MTARC2: variants seen among roughly 807,000 people sequenced by gnomAD.
MTARC2 encodes MOCO sulphurase C-terminal domain containing 2.
Under a neutral mutation model 35.6 loss-of-function variants are expected in MTARC2, and 27 were observed. The ratio of observed to expected loss-of-function variants is 0.76; its 90% CI spans 0.56 to 1.04. The LOEUF is 1.04. Among genes scored for constraint, MTARC2 ranks in the 50% least tolerant of loss-of-function variants. MTARC2 has a pLI of 0.00. For synonymous variants in MTARC2, 158 were observed against 167.1 expected (o/e 0.95, Z 0.42); for missense variants, 412 against 432.5 (o/e 0.95, Z 0.42).
chr1:220,764,793 G>C (rs80155286), intron 4 of MTARC2, among the ~76,000 whole-genome samples: 7,154 of 151,700 alleles, frequency 0.047, 269 homozygotes, highest in East Asian at 0.2. Context: ...AAAAGGAAAA[G>C]AAAAGAGCAA....
chr1:220,767,944 G>A (rs1223554541), intron 4 of MTARC2, among the ~76,000 whole-genome samples: 1 of 152,184 alleles, frequency 6.6e-6, no homozygotes, highest in Non-Finnish European at 1.5e-5. Context: ...CAGAAACTGA[G>A]TTTGGGTGGG....
At chr1:220,768,477 A>G (rs1274361593) in intron 4 of MTARC2, among the ~76,000 whole-genome samples, 1 of 152,220 alleles carries the variant, frequency 6.6e-6, no homozygotes, top group East Asian at 1.9e-4. Flanking sequence ...CTTGCTCTCG[A>G]GGTCGCATAG....
At chr1:220,749,859 G>A (rs919620197) in intron 1 of MTARC2, among the ~76,000 whole-genome samples, 1 of 152,142 alleles carries the variant, frequency 6.6e-6, no homozygotes, top group Non-Finnish European at 1.5e-5. Context: ...TTCACTCCAG[G>A]ACACGCGGAT....
chr1:220,754,910 G>A (rs767597818), intron 1 of MTARC2, 37 bp from the exon 2 acceptor site: 55 of 1,532,130 alleles, frequency 3.6e-5, no homozygotes, highest in Non-Finnish European at 4.7e-5. Flanking sequence ...AGGTGGAAGA[G>A]GATTTTCTGA....
At chr1:220,756,864 C>T (rs2102546401) in intron 2 of MTARC2, among the ~76,000 whole-genome samples, 1 of 152,238 alleles carries the variant, frequency 6.6e-6, no homozygotes, top group Non-Finnish European at 1.5e-5. Context: ...GGTGAGTTGC[C>T]TGGGTCTGAA....
At position 220,761,797 on chromosome 1, in the gene MTARC2, C is replaced by A. The variant is rs1197094774; in HGVS notation, c.586C>A (p.Pro196Thr). 1.9e-6 allele frequency: 3 copies of A among 1,611,616 alleles called. No homozygotes were observed. The highest frequency in any genetic ancestry group is 2.5e-6 in the Non-Finnish European group (3 of 1,179,180). Residue 196 changes from proline to threonine, a missense_variant, in exon 3 of 8, where the codon CCC (proline) becomes ACC (threonine). By Grantham distance (38) the Pro-to-Thr change is conservative. Transcript: ENST00000366913. ...MKGRTSRKLL[P>T]TLDQNFQVAY... ...GGGAAGAACATCAAGAAAACTTCTC[C>A]CCACTCTTGATCAGAATTTCCAGGT...
intron 6 of MTARC2, 75 bp from the exon 7 acceptor site, chr1:220,781,703 A>G: frequency 1.3e-6 from 2 of 1,521,066 alleles, no homozygotes; most frequent in Non-Finnish European, 1.8e-6. Context: ...TGGAAGGCAA[A>G]CTTGAGTTCT....
chr1:220,776,039 A>G (rs530674720), intron 4 of MTARC2, among the ~76,000 whole-genome samples: 1 of 152,358 alleles, frequency 6.6e-6, no homozygotes, highest in African/African-American at 2.4e-5. Flanking sequence ...TTGGGTATAT[A>G]CCCAGTAATG....
intron 4 of MTARC2, among the ~76,000 whole-genome samples, chr1:220,777,992 C>A (rs1671962520): frequency 6.6e-6 from 1 of 152,010 alleles, no homozygotes. Context: ...CCTGAAATCC[C>A]AGCAGTTTGG....
At chr1:220,770,672 C>T (rs1258886131) in intron 4 of MTARC2, 2 of 601,888 alleles carry the variant, frequency 3.3e-6, no homozygotes, top group Admixed American at 6.3e-5. Context: ...CCAGCACAGC[C>T]CAGGCTACTG....
chr1:220,759,456 G>A (rs888892146), intron 2 of MTARC2, among the ~76,000 whole-genome samples: 38 of 151,824 alleles, frequency 2.5e-4, no homozygotes, highest in Admixed American at 2.2e-3. Context: ...CCAGTGCAGG[G>A]ATGGGAGACA....
Position 220,761,665 on chromosome 1 carries a change from G to A in MTARC2, c.454G>A (p.Gly152Ser), listed in dbSNP as rs369039131. Residue 152 changes from glycine (G) to serine (S), a missense_variant, in exon 3 of 8, where the codon GGC (glycine) becomes AGC (serine). Gly to Ser is a moderately conservative substitution (Grantham distance 56, BLOSUM62 0). Coordinates refer to ENST00000366913, the MANE Select transcript of MTARC2 (RefSeq NM_017898.5). Reference protein sequence around the residue: ...SNKLHNCRIFGLDIKGRDCGN... With the variant: ...SNKLHNCRIFSLDIKGRDCGN... ...CTTTTGTGACCTTTCCAGGATATTT[G>A]GCCTTGACATTAAAGGCAGAGACTG... is the stretch of plus-strand genomic sequence containing the variant. 1.6e-5 allele frequency: 25 copies of A among 1,609,752 alleles called. No individual in the cohort carries two copies. Among genetic ancestry groups the A allele is most frequent in the Non-Finnish European group, 2.1e-5 (25 of 1,178,980 alleles).
At chr1:220,772,582 C>T (rs1044112537) in intron 4 of MTARC2, among the ~76,000 whole-genome samples, 6 of 152,108 alleles carry the variant, frequency 3.9e-5, no homozygotes, top group Non-Finnish European at 7.4e-5. Flanking sequence ...GCAAGGGTCT[C>T]AGGGCCAAGT....
intron 2 of MTARC2, among the ~76,000 whole-genome samples, chr1:220,757,443 G>T (rs1558065101): frequency 6.6e-6 from 1 of 152,170 alleles, no homozygotes; most frequent in Non-Finnish European, 1.5e-5. Flanking sequence ...GCTAAAAACT[G>T]AAGAAATAAC....
intron 4 of MTARC2, among the ~76,000 whole-genome samples, chr1:220,767,519 G>A (rs944578312): frequency 7.2e-5 from 11 of 152,210 alleles, no homozygotes. Context: ...TCAGTGTGGT[G>A]TGCTTGAGTT....
At chr1:220,777,765 C>T (rs1395368322) in intron 4 of MTARC2, among the ~76,000 whole-genome samples, 3 of 152,140 alleles carry the variant, frequency 2.0e-5, no homozygotes, top group South Asian at 2.1e-4. Flanking sequence ...ACGGAGGGGC[C>T]TGCAACCTTT....
chr1:220,774,331 A>G (rs1671832301), intron 4 of MTARC2, among the ~76,000 whole-genome samples: 1 of 152,122 alleles, frequency 6.6e-6, no homozygotes, highest in Non-Finnish European at 1.5e-5. Flanking sequence ...CATATGTCCC[A>G]TGTATATTTA....
intron 4 of MTARC2, among the ~76,000 whole-genome samples, chr1:220,774,068 C>T (rs1428442619): frequency 6.8e-6 from 1 of 146,956 alleles, no homozygotes; most frequent in Non-Finnish European, 1.5e-5. Context: ...GACTCACATC[C>T]TCGTTTTTTT....
Position 220,784,128 on chromosome 1 carries a change from G to T in MTARC2, c.*241G>T. ...ATATATATAAATTTTAGGTACTGAAGGCTTTAAAAATAATTAAGATCATCA... is the reference window on the plus strand; with the variant it reads ...ATATATATAAATTTTAGGTACTGAATGCTTTAAAAATAATTAAGATCATCA... On this transcript the variant is annotated 3_prime_UTR_variant, in exon 8 of 8. Transcript: ENST00000366913. The T allele has an allele frequency of 2.0e-6, 1 of 497,692 alleles. No homozygotes were observed. 30.8% of individuals were successfully genotyped at this position (497,692 alleles called of 1,614,324 possible).
Sources: gnomAD v4.1 joint callset for allele counts (sites outside exome capture counted in the v4.1 genomes callset) on GRCh38, gnomAD v4.1.1 for gene constraint, MANE v1.5 for transcripts, NCBI Gene and HGNC (gene_info 2026-07-23, HGNC 2026-07-21) for gene names.